IFRD1: variants seen among roughly 807,000 people sequenced by gnomAD.
IFRD1 encodes interferon related developmental regulator 1, also known as interferon-related developmental regulator 1.
Under a neutral mutation model 52.9 loss-of-function variants are expected in IFRD1, and 35 were observed. The observed-to-expected ratio is 0.66, with a 90% CI of 0.51 to 0.88. The LOEUF (loss-of-function observed/expected upper bound fraction) is 0.88. Ranked by LOEUF, IFRD1 falls within the 40% of genes least tolerant of loss-of-function variation. IFRD1 has a pLI of 0.00. For synonymous variants in IFRD1, 184 were observed against 188.4 expected (o/e 0.98, Z 0.19); for missense variants, 517 against 550.8 (o/e 0.94, Z 0.61).
intron 1 of IFRD1, among the ~76,000 whole-genome samples, chr7:112,434,018 C>T (rs1161973634): frequency 6.6e-6 from 1 of 151,906 alleles, no homozygotes; most frequent in Non-Finnish European, 1.5e-5. Flanking sequence ...GACAGGGTTT[C>T]GCCGTGTTGC....
At chr7:112,430,217 T>C (rs1231443980) in intron 1 of IFRD1, among the ~76,000 whole-genome samples, 1 of 152,250 alleles carries the variant, frequency 6.6e-6, no homozygotes, top group Non-Finnish European at 1.5e-5. Context: ...GTGAAGGATT[T>C]GGGAGCCCAA....
chr7:112,438,489 T>A (rs945930634), intron 1 of IFRD1, among the ~76,000 whole-genome samples: 4 of 151,938 alleles, frequency 2.6e-5, no homozygotes, highest in Non-Finnish European at 5.9e-5. Flanking sequence ...TCCTGAATGT[T>A]GCCTTAAGCA....
In IFRD1 at chr7:112,462,389, A is replaced by ATTCC; in HGVS notation, c.906+11_906+12insTTCC. The ATTCC allele has an allele frequency of 6.4e-7, 1 of 1,562,868 alleles. No individual in the cohort carries two copies. The highest frequency in any genetic ancestry group is 8.8e-7 in the Non-Finnish European group (1 of 1,133,738). ...AGAGGAATAGAGAGTGTAAGTATCT[A>ATTCC]ACTGGCAGAGGAAAAAGCTTGTGTC... On this transcript the variant is annotated intron_variant, in intron 8 of 11. Coordinates refer to ENST00000403825, the MANE Select transcript of IFRD1 (RefSeq NM_001550.4).
At chr7:112,462,401 A>G in intron 8 of IFRD1, 23 bp downstream of exon 8, 2 of 1,512,132 alleles carry the variant, frequency 1.3e-6, no homozygotes, top group Non-Finnish European at 1.8e-6. Flanking sequence ...CTGGCAGAGG[A>G]AAAAGCTTGT....
At chr7:112,450,392 A>G (rs938821960), upstream of IFRD1, 3 of 456,782 alleles carry the variant, frequency 6.6e-6, no homozygotes, top group African/African-American at 6.0e-5. Context: ...GAAGCGCTCA[A>G]GCCCCGCCCA....
At chr7:112,464,418 A>G (rs368426427) in intron 8 of IFRD1, among the ~76,000 whole-genome samples, 1 of 152,186 alleles carries the variant, frequency 6.6e-6, no homozygotes, top group African/African-American at 2.4e-5. Context: ...CATATAACCA[A>G]TTAGATAATA....
chr7:112,458,727 C>A, intron 4 of IFRD1, 134 bp from the exon 5 acceptor site: 1 of 781,202 alleles, frequency 1.3e-6, no homozygotes, highest in Admixed American at 2.1e-5. Context: ...TTGTAACTTA[C>A]ATCAAAGCCT....
chr7:112,430,419 A>T (rs1033311870), intron 1 of IFRD1, among the ~76,000 whole-genome samples: 3 of 152,106 alleles, frequency 2.0e-5, no homozygotes, highest in African/African-American at 7.2e-5. Context: ...TGAAGACTGG[A>T]GCAGCAGTCT....
intron 8 of IFRD1, among the ~76,000 whole-genome samples, chr7:112,463,877 C>G (rs1212881423): frequency 2.2e-5 from 1 of 44,794 alleles, no homozygotes. Flanking sequence ...CACACACACA[C>G]ACACACACAC....
upstream of IFRD1, chr7:112,446,390 A>G (rs1342997213): frequency 3.6e-4 from 57 of 159,340 alleles, no homozygotes; most frequent in Non-Finnish European, 1.5e-4. Context: ...TTCAGTAAAA[A>G]ATAATTGAAT....
intron 1 of IFRD1, among the ~76,000 whole-genome samples, chr7:112,425,286 C>G (rs1794403560): frequency 2.6e-5 from 4 of 150,976 alleles, no homozygotes; most frequent in Admixed American, 2.6e-4. Context: ...GGTAGGGCAT[C>G]ATTTCTGGGT....
At chr7:112,474,861 G>A (rs1456595457) in intron 11 of IFRD1, among the ~76,000 whole-genome samples, 4 of 152,056 alleles carry the variant, frequency 2.6e-5, no homozygotes, top group Non-Finnish European at 5.9e-5. Context: ...CAATGTTGAT[G>A]TCCATTTTTC....
rs917699624 is a variant in IFRD1 at position 112,475,726 on chromosome 7, A to C, written c.*207A>C. 6 of 514,814 alleles carry C rather than the reference A, an allele frequency of 1.2e-5. No individual in the cohort carries two copies. Among genetic ancestry groups the C allele is most frequent in the African/African-American group, 3.9e-5 (2 of 51,772 alleles). The allele number at this position is 514,814 out of a possible 1,614,324, so 31.9% of individuals were successfully genotyped here. A position where few individuals can be genotyped will look rare whatever the true frequency, so the allele number is the denominator to read the frequency against. ...TCTGTAAATCAGTAAACATGTATAA[A>C]GTATTTGTAATGTTTGGTCATAATT... On this transcript the variant is annotated 3_prime_UTR_variant, in exon 12 of 12. Transcript: ENST00000403825.
chr7:112,453,196 A>AT lies in IFRD1; in HGVS notation c.94+2422dup, dbSNP rs932009005. Among the ~76,000 whole-genome samples the AT allele has an allele frequency of 6.4e-4, 97 of 152,124 alleles. 1 individual carries two copies. The highest frequency in any genetic ancestry group is 3.4e-3 in the Middle Eastern group (1 of 294). On this transcript the variant is annotated intron_variant, in intron 1 of 11. Coordinates refer to ENST00000403825, the MANE Select transcript of IFRD1 (RefSeq NM_001550.4). ...AATGAGTTTTCTATTTAAACTCTTT[A>AT]TTTTTTTTATGTTAGTGGAGAGTTT...
intron 1 of IFRD1, among the ~76,000 whole-genome samples, chr7:112,441,944 T>C (rs1563259994): frequency 6.6e-6 from 1 of 152,188 alleles, no homozygotes; most frequent in Non-Finnish European, 1.5e-5. Flanking sequence ...AGTTGTGTGA[T>C]TCCTAGCACT....
intron 1 of IFRD1, among the ~76,000 whole-genome samples, chr7:112,424,327 C>T (rs1794382367): frequency 6.6e-6 from 1 of 151,974 alleles, no homozygotes; most frequent in Non-Finnish European, 1.5e-5. Flanking sequence ...ATCTGGTGCT[C>T]TGGAGGTTCT....
rs551149584 is a variant in IFRD1 at position 112,442,304 on chromosome 7, C to T, written c.-181-8204C>T. 2.0e-5 allele frequency among the ~76,000 whole-genome samples: 3 copies of T among 152,342 alleles called. No homozygotes were observed. In the East Asian group the frequency reaches 5.8e-4, roughly 29 times the overall value. On this transcript the variant is annotated intron_variant, in intron 1 of 12. Transcript: ENST00000005558. Reference sequence around the variant, plus strand: ...CAGCCAAAAGATCTTCCCTTGCTTACTGATGTCTAAAATTCCATCTTTAGC... The same window carrying T: ...CAGCCAAAAGATCTTCCCTTGCTTATTGATGTCTAAAATTCCATCTTTAGC...
At chr7:112,463,145 G>C (rs1410069271) in intron 8 of IFRD1, among the ~76,000 whole-genome samples, 1 of 152,132 alleles carries the variant, frequency 6.6e-6, no homozygotes, top group African/African-American at 2.4e-5. Context: ...TTCAGATACT[G>C]TGCTGATATT....
At chr7:112,450,312 G>T (rs182111988), upstream of IFRD1, 1,611 of 244,304 alleles carry the variant, frequency 6.6e-3, 12 homozygotes, top group Non-Finnish European at 9.9e-3. Flanking sequence ...GGCCGCATGG[G>T]ATTTGTAGGT....
Sources: allele counts gnomAD v4.1 joint callset (sites outside exome capture counted in the v4.1 genomes callset), GRCh38; gene constraint gnomAD v4.1.1; transcripts MANE v1.5; gene names NCBI Gene and HGNC (gene_info 2026-07-23, HGNC 2026-07-21).